Variants in ADAM12 observed in about 807,000 individuals in gnomAD.
The protein encoded by ADAM12 is ADAM metallopeptidase domain 12, also known as disintegrin and metalloproteinase domain-containing protein 12.
ADAM12 carries 70 observed loss-of-function variants against 106.4 expected under a neutral mutation model. The observed-to-expected ratio is 0.66, with a 90% CI of 0.54 to 0.80. The LOEUF (loss-of-function observed/expected upper bound fraction) is 0.80. Ranked by LOEUF, ADAM12 falls within the 30% of genes least tolerant of loss-of-function variation. ADAM12 has a pLI of 0.00. For missense variants in ADAM12, 1,010 were observed against 1,171.9 expected (o/e 0.86, Z 2.02); for synonymous variants, 420 against 433.5 (o/e 0.97, Z 0.39).
chr10:126,304,292 T>TGAAAGAAGGAAGGAAG (rs1960747962), intron 2 of ADAM12, among the ~76,000 whole-genome samples: 1 of 92,764 alleles, frequency 1.1e-5, no homozygotes, highest in Non-Finnish European at 2.0e-5. Context: ...AAAAAGGAAG[T>TGAAAGAAGGAAGGAAG]GAAAGAAGGA....
intron 11 of ADAM12, among the ~76,000 whole-genome samples, chr10:126,083,154 C>T (rs898322): frequency 0.59 from 89,089 of 152,052 alleles, 26,294 homozygotes; most frequent in East Asian, 0.69. Flanking sequence ...GGCCAGGAGC[C>T]ACCATTTGTT....
chr10:126,342,219 C>G (rs1417254179), intron 1 of ADAM12, among the ~76,000 whole-genome samples: 2 of 152,188 alleles, frequency 1.3e-5, no homozygotes, highest in African/African-American at 2.4e-5. Context: ...GGACACCTGC[C>G]TAAGTTCCAG....
intron 3 of ADAM12, among the ~76,000 whole-genome samples, chr10:126,276,347 T>A (rs1292012137): frequency 6.6e-6 from 1 of 152,232 alleles, no homozygotes; most frequent in Non-Finnish European, 1.5e-5. Context: ...GACTTGACTC[T>A]ATTGGGCCAA....
At chr10:126,243,700 C>G (rs1184822725) in intron 3 of ADAM12, among the ~76,000 whole-genome samples, 1 of 152,198 alleles carries the variant, frequency 6.6e-6, no homozygotes, top group Non-Finnish European at 1.5e-5. Context: ...ACTAATGAGA[C>G]AGCATACCCT....
chr10:126,174,353 A>T (rs1219402224), intron 3 of ADAM12, among the ~76,000 whole-genome samples: 1 of 152,004 alleles, frequency 6.6e-6, no homozygotes, highest in East Asian at 1.9e-4. Context: ...CCGGCTATCC[A>T]AGTCGGCAAA....
intron 2 of ADAM12, among the ~76,000 whole-genome samples, chr10:126,310,376 C>T (rs1006200134): frequency 2.6e-5 from 4 of 151,988 alleles, no homozygotes; most frequent in Non-Finnish European, 5.9e-5. Flanking sequence ...AATCCAGGGG[C>T]AGCAATTGCA....
intron 22 of ADAM12, 74 bp from the exon 23 acceptor site, chr10:126,017,413 T>C: frequency 2.9e-6 from 4 of 1,391,752 alleles, no homozygotes; most frequent in South Asian, 1.3e-5. Flanking sequence ...AGGTCTGGGG[T>C]TGGAGATGTA....
intron 21 of ADAM12, among the ~76,000 whole-genome samples, chr10:126,031,470 T>G (rs1330498399): frequency 1.3e-5 from 2 of 152,210 alleles, no homozygotes; most frequent in African/African-American, 4.8e-5. Flanking sequence ...ACCTGACTGA[T>G]CTACAATCGT....
intron 11 of ADAM12, among the ~76,000 whole-genome samples, chr10:126,085,666 G>A (rs746099858): frequency 2.6e-5 from 4 of 151,192 alleles, no homozygotes; most frequent in South Asian, 2.1e-4. Context: ...CTGTCCATCC[G>A]TCCATCCATC....
intron 17 of ADAM12, among the ~76,000 whole-genome samples, chr10:126,044,294 T>TA (rs1446337899): frequency 2.0e-5 from 3 of 150,228 alleles, no homozygotes; most frequent in South Asian, 2.1e-4. Context: ...AAAAAAAAGT[T>TA]AAAAAAAATT....
chr10:126,116,932 T>C (rs542253369), intron 6 of ADAM12, among the ~76,000 whole-genome samples: 1 of 152,278 alleles, frequency 6.6e-6, no homozygotes, highest in South Asian at 2.1e-4. Context: ...TCATTAAATA[T>C]TGAGTGCTAA....
rs760045423 is a variant in ADAM12, at chr10:126,039,310, T to C, written c.2224A>G (p.Thr742Ala). The change falls in exon 19 of 23, where the codon ACC becomes GCC. Residue 742 changes from threonine to alanine, a missense_variant. Physicochemically the swap from Thr to Ala is moderately conservative, Grantham distance 58 (BLOSUM62 0). This residue lies in a region of ADAM12 where 615 missense variants were observed against 708.5 expected (regional missense o/e 0.87). Transcript: ENST00000448723. The stretch of plus-strand genomic sequence containing the variant: ...CCAGGGTACCTTAGTTTTTCAATGG[T>C]GGTCTTCTTATTTGTAAACAGCAGT... Reference protein sequence around the residue: ...IRLLFTNKKTTIEKLRCVRPS... With the variant: ...IRLLFTNKKTAIEKLRCVRPS... 4 of 1,613,868 alleles carry C rather than the reference T, an allele frequency of 2.5e-6. No individual in the cohort carries two copies. The African/African-American group carries it at 4.0e-5, about 16-fold the overall frequency.
At chr10:126,121,130 A>AGTATATATAGTATATATAGTATATATAGT (rs369707256) in intron 5 of ADAM12, among the ~76,000 whole-genome samples, 1 of 75,608 alleles carries the variant, frequency 1.3e-5, no homozygotes, top group African/African-American at 6.2e-5. Flanking sequence ...TAGTATATAT[A>AGTATATATAGTATATATAGTATATATAGT]CTATATACTA....
intron 3 of ADAM12, among the ~76,000 whole-genome samples, chr10:126,174,278 C>A (rs1432987016): frequency 6.6e-6 from 1 of 151,962 alleles, no homozygotes; most frequent in Non-Finnish European, 1.5e-5. Flanking sequence ...TACACCATGG[C>A]CCTTTCCCAC....
intron 5 of ADAM12, among the ~76,000 whole-genome samples, chr10:126,130,743 G>T (rs184231008): frequency 6.6e-6 from 1 of 152,214 alleles, no homozygotes; most frequent in Non-Finnish European, 1.5e-5. Context: ...GGCTGGCCTG[G>T]GAAGAGGGAT....
chr10:126,363,703 G>A (rs1453701832), intron 1 of ADAM12, among the ~76,000 whole-genome samples: 1 of 152,204 alleles, frequency 6.6e-6, no homozygotes, highest in African/African-American at 2.4e-5. Context: ...GAGACATGGA[G>A]AAGGGCCTGG....
chr10:126,376,954 A>G (rs1019182599), intron 1 of ADAM12, among the ~76,000 whole-genome samples: 1 of 152,186 alleles, frequency 6.6e-6, no homozygotes, highest in Non-Finnish European at 1.5e-5. Flanking sequence ...TATGATCTTT[A>G]TCACCATTTC....
chr10:126,278,381 C>A (rs1372079414), intron 3 of ADAM12, among the ~76,000 whole-genome samples: 1 of 151,950 alleles, frequency 6.6e-6, no homozygotes, highest in Admixed American at 6.6e-5. Context: ...TCCAAGCGGC[C>A]CAGAAAAAGC....
At position 126,094,008 on chromosome 10, in the gene ADAM12, G is replaced by A; in HGVS notation, c.1122C>T (p.Gly374=). 6.2e-7 allele frequency: 1 copy of A among 1,614,104 alleles called. No individual in the cohort carries two copies. The highest frequency in any genetic ancestry group is 8.5e-7 in the Non-Finnish European group (1 of 1,179,996). The change falls in exon 11 of 23, where the codon GGC becomes GGT. Residue 374 remains glycine, a synonymous_variant. Coordinates refer to ENST00000448723, the MANE Select transcript of ADAM12 (RefSeq NM_001288973.2). ...GCCCGGTGGAAGCGTTCATGATGCA[G>A]CCTCCTTTCTCAACCGCCATTTGAC... ...CSCQMAVEKG[G]CIMNASTGYP... is the part of the protein sequence containing the mutation.
Sources: allele counts gnomAD v4.1 joint callset (sites outside exome capture counted in the v4.1 genomes callset), GRCh38; gene constraint gnomAD v4.1.1; regional missense constraint gnomAD v4.1.1; transcripts MANE v1.5; gene names NCBI Gene and HGNC (gene_info 2026-07-23, HGNC 2026-07-21).